The following RBM6 variants were observed in gnomAD, a reference collection of about 807,000 sequenced individuals.
RBM6 encodes RNA-binding protein 6.
RBM6 carries 23 observed loss-of-function variants against 140.4 expected under a neutral mutation model. That is an observed-to-expected ratio of 0.16 (90% CI 0.12 to 0.23). The LOEUF is 0.23. Ranked by LOEUF, RBM6 falls within the 10% of genes least tolerant of loss-of-function variation. RBM6 has a pLI of 1.00. For missense variants in RBM6, 1,139 were observed against 1,386.7 expected (o/e 0.82, Z 2.84); for synonymous variants, 439 against 475.6 (o/e 0.92, Z 1.00).
rs1474950188 is a variant in RBM6, at chr3:49,993,889, C to G, written c.1484-5551C>G. On this transcript the variant is annotated intron_variant, in intron 5 of 20. Transcript: ENST00000266022. ...CCCAGGAGGCAGAGGTTGCAGTGGG[C>G]CGAGATAGTGCCATTGCACTCTAGC... is the stretch of plus-strand genomic sequence containing the variant. 2.0e-5 allele frequency among the ~76,000 whole-genome samples: 3 copies of G among 151,954 alleles called. No homozygotes were observed. The South Asian group carries it at 6.2e-4, about 31-fold the overall frequency.
chr3:50,057,862 G>T lies in RBM6; in HGVS notation c.1828G>T (p.Gly610Cys), dbSNP rs757945067. The part of the protein sequence containing the change: ...KEPEPRKREE[G>C]QESRLGHQKR... The stretch of plus-strand genomic sequence containing the variant: ...ACCTGAACCCAGGAAGAGGGAAGAA[G>T]GCCAAGAGTCACGCTTAGGACATCA... The change falls in exon 9 of 21, where the codon GGC (glycine) becomes TGC (cysteine). Residue 610 changes from glycine (G) to cysteine (C), a missense_variant. Physicochemically the swap from Gly to Cys is radical, Grantham distance 159. This residue lies in a region of RBM6 where 109 missense variants were observed against 101.9 expected (regional missense o/e 1.07). Coordinates refer to ENST00000266022, the MANE Select transcript of RBM6 (RefSeq NM_005777.3). 6.2e-7 allele frequency: 1 copy of T among 1,614,040 alleles called. No homozygotes were observed. The highest frequency in any genetic ancestry group is 2.2e-5 in the East Asian group (1 of 44,876).
At chr3:50,015,588 G>T (rs1262109410) in intron 6 of RBM6, among the ~76,000 whole-genome samples, 1 of 151,048 alleles carries the variant, frequency 6.6e-6, no homozygotes, top group Non-Finnish European at 1.5e-5. Context: ...GTGCCACCAC[G>T]CCCGGCTAAT....
In RBM6 at chr3:49,967,604, A is replaced by T. The variant is rs150251093; in HGVS notation, c.179A>T (p.His60Leu). 1.1e-3 allele frequency: 1,785 copies of T among 1,614,162 alleles called. 2 individuals are homozygous for T. The highest frequency in any genetic ancestry group is 1.3e-3 in the Non-Finnish European group (1,568 of 1,180,030). Residue 60 changes from histidine to leucine, a missense_variant, in exon 3 of 21, where the codon CAT (histidine) becomes CTT (leucine). His to Leu is a moderately conservative substitution (Grantham distance 99, BLOSUM62 -3). Around this residue, in one of 9 missense-constraint regions of RBM6, gnomAD observed 566 missense variants for 612.7 expected, o/e 0.92. Coordinates refer to ENST00000266022, the MANE Select transcript of RBM6 (RefSeq NM_005777.3). The surrounding 1 kb of genome is among the most constrained non-coding windows in gnomAD (Gnocchi z 4.0). ...RDSLPFDFQG[H>L]SGPPFANVEE... Reference sequence around the variant, plus strand: ...TCACTTCCCTTTGATTTCCAGGGGCATTCGGGGCCTCCTTTTGCAAATGTA... The same window carrying T: ...TCACTTCCCTTTGATTTCCAGGGGCTTTCGGGGCCTCCTTTTGCAAATGTA...
intron 1 of RBM6, among the ~76,000 whole-genome samples, chr3:49,952,996 C>G (rs368837719): frequency 6.6e-6 from 1 of 152,090 alleles, no homozygotes; most frequent in Non-Finnish European, 1.5e-5. Flanking sequence ...GATCCTCTGA[C>G]CTTGGCCTCA....
At chr3:50,008,546 C>CTTTTT (rs5848909) in intron 6 of RBM6, among the ~76,000 whole-genome samples, 5 of 73,694 alleles carry the variant, frequency 6.8e-5, no homozygotes, top group South Asian at 7.8e-4. Flanking sequence ...TCTTTTGTAA[C>CTTTTT]TTTTTTTTTT....
chr3:50,007,906 T>C (rs1452953567), intron 6 of RBM6, among the ~76,000 whole-genome samples: 1 of 152,182 alleles, frequency 6.6e-6, no homozygotes, highest in East Asian at 1.9e-4. Flanking sequence ...TTAGGCCATG[T>C]AGGAAATCTA....
At chr3:49,957,027 G>A (rs1260783795) in intron 1 of RBM6, among the ~76,000 whole-genome samples, 1 of 152,108 alleles carries the variant, frequency 6.6e-6, no homozygotes, top group Non-Finnish European at 1.5e-5. Flanking sequence ...GTGTTGTCCA[G>A]ATTGGAGAAC....
At chr3:50,050,368 G>A (rs142210038) in intron 7 of RBM6, among the ~76,000 whole-genome samples, 29 of 152,230 alleles carry the variant, frequency 1.9e-4, no homozygotes, top group African/African-American at 5.3e-4. Context: ...CAGAGTTCAT[G>A]TATGTTGCAG....
chr3:50,052,856 C>G (rs1045594584), intron 7 of RBM6, among the ~76,000 whole-genome samples: 1 of 152,076 alleles, frequency 6.6e-6, no homozygotes, highest in Non-Finnish European at 1.5e-5. Context: ...TCTCTTAGAC[C>G]TAGTGTAGGT....
At chr3:49,978,497 G>A (rs1218579727) in intron 5 of RBM6, among the ~76,000 whole-genome samples, 1 of 152,108 alleles carries the variant, frequency 6.6e-6, no homozygotes, top group East Asian at 1.9e-4. Context: ...CTCTAGTAAT[G>A]TATTAGTGTA....
chr3:49,946,917 G>T lies in RBM6; in HGVS notation c.-67+6692G>T, dbSNP rs1325867210. 5.4e-5 allele frequency among the ~76,000 whole-genome samples: 8 copies of T among 148,822 alleles called. No individual in the cohort carries two copies. In the South Asian group the frequency reaches 8.8e-4, roughly 16 times the overall value. ...GGTATCTTATTGTGGTTTCTGATTT[G>T]CATTTCCCTGATGATAAGTGATGTT... On this transcript the variant is annotated intron_variant, in intron 1 of 20. Coordinates refer to ENST00000266022, the MANE Select transcript of RBM6 (RefSeq NM_005777.3).
chr3:49,977,677 G>A (rs956276790), intron 5 of RBM6, among the ~76,000 whole-genome samples: 2 of 152,206 alleles, frequency 1.3e-5, no homozygotes, highest in African/African-American at 4.8e-5. Flanking sequence ...TGTATGTGAA[G>A]AGCAGCTGTG....
At chr3:50,063,407 A>G (rs1318457959) in intron 15 of RBM6, among the ~76,000 whole-genome samples, 1 of 151,640 alleles carries the variant, frequency 6.6e-6, no homozygotes, top group Admixed American at 6.6e-5. Flanking sequence ...GGAGTTTGAC[A>G]CCAGCAACAT....
In RBM6 at chr3:50,040,522, GTATATATATACACACACACATGCA is replaced by G. The variant is rs2088850944; in HGVS notation, c.1558-7704_1558-7681del. ...CACACACACACACACACACACGTGTGTATATATATACACACACACATGCATATATATATACACACACATGTATAT... is the reference window on the plus strand; with the variant it reads ...CACACACACACACACACACACGTGTGTATATATATACACACACATGTATAT... On this transcript the variant is annotated intron_variant, in intron 6 of 20. Coordinates refer to ENST00000266022, the MANE Select transcript of RBM6 (RefSeq NM_005777.3). Among the ~76,000 whole-genome samples the G allele has an allele frequency of 2.9e-5, 4 of 137,422 alleles. No individual in the cohort carries two copies. The South Asian group carries it at 8.9e-4, about 30-fold the overall frequency. The allele number at this position is 137,422 out of a possible 152,430, so 90.2% of individuals were successfully genotyped here.
chr3:49,980,902 TTTTATTTTTTATTTTTTTGAGACGG>T (rs1475305069), intron 5 of RBM6, among the ~76,000 whole-genome samples: 1 of 152,014 alleles, frequency 6.6e-6, no homozygotes, highest in Non-Finnish European at 1.5e-5. Context: ...ATTTATTTTA[TTTTATTTTTTATTTTTTTGAGACGG>T]AGTCTTGCAC....
chr3:50,073,889 G>A (rs138700629), intron 19 of RBM6, among the ~76,000 whole-genome samples: 8 of 149,284 alleles, frequency 5.4e-5, no homozygotes, highest in South Asian at 2.1e-4. Flanking sequence ...TCATTCTGTC[G>A]CCCAGGCTGG....
At chr3:49,965,201 C>T (rs1006422951) in intron 2 of RBM6, among the ~76,000 whole-genome samples, 2 of 152,140 alleles carry the variant, frequency 1.3e-5, no homozygotes, top group Admixed American at 1.3e-4. Flanking sequence ...ATCTTTAGGC[C>T]ATGTTGGATG....
At chr3:49,949,654 C>T (rs1559513916) in intron 1 of RBM6, among the ~76,000 whole-genome samples, 1 of 152,084 alleles carries the variant, frequency 6.6e-6, no homozygotes, top group African/African-American at 2.4e-5. Flanking sequence ...GCTGGGAATA[C>T]AGGCGTGAGC....
At position 49,960,735 on chromosome 3, in the gene RBM6, C is replaced by T. The variant is rs553357488; in HGVS notation, c.-66-1841C>T. The stretch of plus-strand genomic sequence containing the variant: ...CTGTGGTGAGGGTAATAGATTATTC[C>T]GATTGCTCATGCTGGATGGTGTCCG... On this transcript the variant is annotated intron_variant, in intron 1 of 20. Coordinates refer to ENST00000266022, the MANE Select transcript of RBM6 (RefSeq NM_005777.3). Among the ~76,000 whole-genome samples, 10 of 152,102 alleles carry T rather than the reference C, an allele frequency of 6.6e-5. No homozygotes were observed. In the East Asian group the frequency reaches 9.7e-4, roughly 15 times the overall value.
Sources: gnomAD v4.1 joint callset for allele counts (sites outside exome capture counted in the v4.1 genomes callset) on GRCh38, gnomAD v4.1.1 for gene constraint, gnomAD v4.1.1 regional missense constraint, Gnocchi (gnomAD v3.1) non-coding constraint, MANE v1.5 for transcripts, NCBI Gene and HGNC (gene_info 2026-07-23, HGNC 2026-07-21) for gene names.